MYO16: variants seen among roughly 807,000 people sequenced by gnomAD.
The protein encoded by MYO16 is myosin XVI.
Under a neutral mutation model 205.3 loss-of-function variants are expected in MYO16, and 94 were observed. That is an observed-to-expected ratio of 0.46 (90% CI 0.39 to 0.54). The LOEUF is 0.54. Among genes scored for constraint, MYO16 ranks in the 20% least tolerant of loss-of-function variants. MYO16 has a pLI of 0.00. For synonymous variants in MYO16, 988 were observed against 954.0 expected (o/e 1.04, Z -0.66); for missense variants, 2,315 against 2,387.5 (o/e 0.97, Z 0.63).
intron 33 of MYO16, among the ~76,000 whole-genome samples, chr13:109,167,857 A>G (rs1212502720): frequency 2.6e-5 from 4 of 152,212 alleles, no homozygotes; most frequent in African/African-American, 9.6e-5. Context: ...TCCTGTAATA[A>G]TGAAAGGGAG....
chr13:108,502,659 C>T, the MYO16 span, among the ~76,000 whole-genome samples: 1 of 152,152 alleles, frequency 6.6e-6, no homozygotes, highest in Non-Finnish European at 1.5e-5. Context: ...TTAACGAACA[C>T]ATTTGAAATA....
At chr13:108,606,417 T>C (rs1594138748) in intron 1 of MYO16, among the ~76,000 whole-genome samples, 1 of 152,140 alleles carries the variant, frequency 6.6e-6, no homozygotes, top group Non-Finnish European at 1.5e-5. Context: ...GCACTAGGTG[T>C]CCCAGCTGCT....
At chr13:108,772,085 C>T (rs1885983727) in intron 4 of MYO16, among the ~76,000 whole-genome samples, 2 of 152,112 alleles carry the variant, frequency 1.3e-5, no homozygotes, top group African/African-American at 4.8e-5. Context: ...GGTGGGGTGG[C>T]TCATGCCTGT....
At chr13:109,086,022 T>A (rs1014540228) in intron 27 of MYO16, among the ~76,000 whole-genome samples, 1 of 152,204 alleles carries the variant, frequency 6.6e-6, no homozygotes, top group Admixed American at 6.5e-5. Flanking sequence ...AGAGAAAATA[T>A]GTTAAAACAA....
chr13:108,533,475 C>T, the MYO16 span, among the ~76,000 whole-genome samples: 18 of 152,310 alleles, frequency 1.2e-4, no homozygotes, highest in Admixed American at 9.8e-4. Flanking sequence ...GTGGGCAATG[C>T]ATCATCAATC....
chr13:109,082,215 A>G (rs1187385466), intron 27 of MYO16, among the ~76,000 whole-genome samples: 1 of 152,144 alleles, frequency 6.6e-6, no homozygotes, highest in Non-Finnish European at 1.5e-5. Flanking sequence ...CTATTCACTG[A>G]ATGCAGGAGG....
intron 34 of MYO16, among the ~76,000 whole-genome samples, chr13:109,186,195 C>A (rs1042325804): frequency 4.6e-5 from 7 of 152,076 alleles, no homozygotes; most frequent in Non-Finnish European, 7.4e-5. Flanking sequence ...AACTTTAGGG[C>A]TGAGGTATCG....
At chr13:109,189,668 T>A (rs922955287) in intron 34 of MYO16, among the ~76,000 whole-genome samples, 1 of 152,200 alleles carries the variant, frequency 6.6e-6, no homozygotes, top group Non-Finnish European at 1.5e-5. Flanking sequence ...CTTTCAACAG[T>A]CATACAGGGA....
intron 7 of MYO16, among the ~76,000 whole-genome samples, chr13:108,815,025 CT>C (rs2139002754): frequency 6.6e-6 from 1 of 152,200 alleles, no homozygotes; most frequent in South Asian, 2.1e-4. Context: ...AAAATTAGAA[CT>C]GTTAAGTGAA....
intron 2 of MYO16, among the ~76,000 whole-genome samples, chr13:108,677,335 GTATATATATATATATATA>G (rs747613453): frequency 3.4e-4 from 30 of 87,482 alleles, no homozygotes; most frequent in African/African-American, 6.5e-4. Flanking sequence ...GTGTGTGTGT[GTATATATATATATATATA>G]TGCATATATA....
chr13:109,200,295 T>C (rs1411465772), intron 34 of MYO16, among the ~76,000 whole-genome samples: 1 of 152,208 alleles, frequency 6.6e-6, no homozygotes, highest in Non-Finnish European at 1.5e-5. Flanking sequence ...TCAGCCATTC[T>C]GGCAATTCTT....
the MYO16 span, among the ~76,000 whole-genome samples, chr13:108,571,884 C>A: frequency 6.6e-6 from 1 of 151,102 alleles, no homozygotes; most frequent in Non-Finnish European, 1.5e-5. Context: ...ACTGACACAA[C>A]CCCCACATCA....
chr13:109,127,245 C>T lies in MYO16; in HGVS notation c.3783-37C>T, dbSNP rs1249558885. ...ACCGGAATAATGCATCTGGGCCTCT[C>T]TGGCGTGGTGCTGTTTGTGTTTTGT... On this transcript the variant is annotated intron_variant, in intron 30 of 34. Transcript: ENST00000457511. The surrounding 1 kb of genome is among the most constrained non-coding windows in gnomAD (Gnocchi z 4.2). 4.6e-6 allele frequency: 7 copies of T among 1,536,878 alleles called. No homozygotes were observed. The highest frequency in any genetic ancestry group is 6.2e-6 in the Non-Finnish European group (7 of 1,137,742).
intron 16 of MYO16, among the ~76,000 whole-genome samples, chr13:108,911,502 CAT>C (rs1881265817): frequency 6.6e-6 from 1 of 151,980 alleles, no homozygotes; most frequent in South Asian, 2.1e-4. Flanking sequence ...CCTGAGGAAA[CAT>C]ACTCAATGTT....
In MYO16 at chr13:108,883,479, A is replaced by G. The variant is rs185685228; in HGVS notation, c.1553+293A>G. Among the ~76,000 whole-genome samples, 35 of 152,314 alleles carry G rather than the reference A, an allele frequency of 2.3e-4. No homozygotes were observed. The East Asian group carries it at 5.2e-3, about 23-fold the overall frequency. Reference sequence around the variant, plus strand: ...TGCTTTTGAACCTAAGAAAACATGGAGAAAGAAAAACTACCAATATTACGG... The same window carrying G: ...TGCTTTTGAACCTAAGAAAACATGGGGAAAGAAAAACTACCAATATTACGG... On this transcript the variant is annotated intron_variant, in intron 13 of 34. Transcript: ENST00000457511.
At chr13:108,562,274 G>T in the MYO16 span, among the ~76,000 whole-genome samples, 2 of 151,996 alleles carry the variant, frequency 1.3e-5, no homozygotes, top group Non-Finnish European at 2.9e-5. Context: ...CATTCATGAG[G>T]GTTCTACCTT....
intron 20 of MYO16, among the ~76,000 whole-genome samples, chr13:108,976,017 A>G (rs562967744): frequency 6.6e-6 from 1 of 152,300 alleles, no homozygotes; most frequent in Admixed American, 6.5e-5. Context: ...TCCAGGAATC[A>G]TGGTAAGAGA....
At chr13:108,613,664 G>C (rs1363372283) in intron 1 of MYO16, among the ~76,000 whole-genome samples, 2 of 152,120 alleles carry the variant, frequency 1.3e-5, no homozygotes, top group Admixed American at 1.3e-4. Flanking sequence ...CTATGACCAA[G>C]TTGGACTTAT....
chr13:108,629,055 A>T (rs1206534221), upstream of MYO16, among the ~76,000 whole-genome samples: 2 of 152,218 alleles, frequency 1.3e-5, no homozygotes, highest in Non-Finnish European at 2.9e-5. Flanking sequence ...TACTTCATCC[A>T]GTTGGGTTGT....
Sources: gnomAD v4.1 joint callset for allele counts (sites outside exome capture counted in the v4.1 genomes callset) on GRCh38, gnomAD v4.1.1 for gene constraint, Gnocchi (gnomAD v3.1) non-coding constraint, MANE v1.5 for transcripts, NCBI Gene and HGNC (gene_info 2026-07-23, HGNC 2026-07-21) for gene names.